The following CENPI variants were observed in gnomAD, a reference collection of about 807,000 sequenced individuals.
The protein encoded by CENPI is FSH primary response 1.
A neutral mutation model predicts 60.4 loss-of-function variants in CENPI; 4 were observed. The observed-to-expected ratio is 0.07, with a 90% confidence interval of 0.03 to 0.15. The LOEUF (loss-of-function observed/expected upper bound fraction) is 0.15, where lower values mean the gene tolerates loss of function less well. Ranked by LOEUF, CENPI falls within the 10% of genes least tolerant of loss-of-function variation. CENPI has a pLI of 1.00. For missense variants in CENPI, 444 were observed against 534.5 expected (o/e 0.83, Z 1.67); for synonymous variants, 157 against 189.4 (o/e 0.83, Z 1.40).
At chrX:101,148,257 C>T (rs775064605) in intron 20 of CENPI, 96 bp downstream of exon 20, 17 of 739,644 alleles carry the variant, frequency 2.3e-5, no homozygotes, top group African/African-American at 1.1e-4. Context: ...AATTGTAAGA[C>T]GTGTGTTTAG....
intron 20 of CENPI, among the ~76,000 whole-genome samples, chrX:101,159,453 C>T (rs1236134040): frequency 9.1e-6 from 1 of 109,328 alleles, no homozygotes; most frequent in Non-Finnish European, 1.9e-5. Flanking sequence ...TGAGCCACCG[C>T]GCCTGGCCTT....
intron 15 of CENPI, among the ~76,000 whole-genome samples, chrX:101,139,828 T>TG (rs72098394): frequency 2.3e-5 from 2 of 88,577 alleles, no homozygotes; most frequent in African/African-American, 4.0e-5. Context: ...ATGTTTTTTT[T>TG]TTTTTGTTTT....
intron 6 of CENPI, among the ~76,000 whole-genome samples, chrX:101,111,373 A>G (rs2089551523): frequency 1.8e-5 from 2 of 110,892 alleles, no homozygotes; most frequent in Non-Finnish European, 3.8e-5. Flanking sequence ...TATTTTCATA[A>G]TAATACCAAG....
chrX:101,113,282 TAC>T (rs533672702), intron 6 of CENPI, among the ~76,000 whole-genome samples: 2,110 of 83,887 alleles, frequency 0.025, 56 homozygotes, highest in Admixed American at 0.047. Context: ...TCCATCCCTT[TAC>T]ACACACACAC....
chrX:101,140,125 C>G (rs758459051), intron 15 of CENPI, among the ~76,000 whole-genome samples: 3 of 112,209 alleles, frequency 2.7e-5, no homozygotes, highest in Non-Finnish European at 5.6e-5. Flanking sequence ...CGTGAGCCAC[C>G]GCACCCAGCC....
the CENPI span, among the ~76,000 whole-genome samples, chrX:101,179,685 A>G: frequency 9.0e-6 from 1 of 111,130 alleles, no homozygotes; most frequent in African/African-American, 3.3e-5. Context: ...ATGCCCAGAT[A>G]ATTTTTTGTA....
chrX:101,170,386 T>C (rs1179792415), downstream of CENPI, among the ~76,000 whole-genome samples: 1 of 111,738 alleles, frequency 8.9e-6, no homozygotes, highest in African/African-American at 3.3e-5. Flanking sequence ...TCTCAGGACA[T>C]GGCACTGTCG....
At position 101,164,920 on chromosome X, in the gene CENPI, A is replaced by G. The variant is rs1227893521; in HGVS notation, c.*1953A>G. ...AAACTTTAGATAAGATGGTTTGGGA[A>G]AGCCTGTTTGAAGAGATGACATATG... On this transcript the variant is annotated 3_prime_UTR_variant, in exon 22 of 22. Transcript: ENST00000682095. Among the ~76,000 whole-genome samples the G allele has an allele frequency of 2.7e-5, 3 of 112,118 alleles. No individual in the cohort carries two copies. In the East Asian group the frequency reaches 8.4e-4, roughly 31 times the overall value.
intron 2 of CENPI, among the ~76,000 whole-genome samples, chrX:101,099,068 C>G (rs868509849): frequency 6.1e-4 from 59 of 96,356 alleles, no homozygotes; most frequent in Non-Finnish European, 1.1e-3. Flanking sequence ...CTTTCTGTCT[C>G]TGTCTGTCTC....
At position 101,101,307 on chromosome X, in the gene CENPI, A is replaced by C; in HGVS notation, c.226+11A>C. 9.2e-7 allele frequency: 1 copy of C among 1,089,241 alleles called. No homozygotes were observed. Among genetic ancestry groups the C allele is most frequent in the East Asian group, 3.0e-5 (1 of 33,094 alleles). 89.8% of individuals were successfully genotyped at this position (1,089,241 alleles called of 1,213,427 possible). On this transcript the variant is annotated intron_variant, in intron 3 of 21. Transcript: ENST00000682095. ...GATATTTTGAGAAAGGTAAAGGTGG[A>C]TTGTTTTCCTTATGAAACTCCTATT...
chrX:101,115,455 A>G (rs1020559147), intron 6 of CENPI, among the ~76,000 whole-genome samples: 3 of 110,454 alleles, frequency 2.7e-5, no homozygotes, highest in Non-Finnish European at 5.7e-5. Context: ...TTTATTTCGC[A>G]TATCATACAA....
intron 6 of CENPI, among the ~76,000 whole-genome samples, chrX:101,116,302 G>GT (rs1202744534): frequency 3.2e-4 from 34 of 104,978 alleles, no homozygotes; most frequent in East Asian, 3.0e-4. Context: ...TTTTTGGGGG[G>GT]TTTTTTTTTT....
At chrX:101,134,101 G>T (rs147273609) in intron 15 of CENPI, among the ~76,000 whole-genome samples, 4,306 of 111,361 alleles carry the variant, frequency 0.039, 88 homozygotes, top group Non-Finnish European at 0.061. Flanking sequence ...AGATGGAGTC[G>T]AAGGAGCCAG....
At chrX:101,148,435 G>GT (rs1415245321) in intron 20 of CENPI, among the ~76,000 whole-genome samples, 5 of 111,945 alleles carry the variant, frequency 4.5e-5, no homozygotes, top group African/African-American at 1.6e-4. Context: ...AGGTTCAGTT[G>GT]TAAGAAAGAT....
Position 101,140,072 on chromosome X carries a change from C to A in CENPI, c.1471-594C>A, listed in dbSNP as rs985716549. ...AGGATGGTCTCGATCTGCTGACCTT[C>A]TGATCCGCCCGCCTCGGCCTCCCAA... On this transcript the variant is annotated intron_variant, in intron 15 of 21. Transcript: ENST00000682095. Among the ~76,000 whole-genome samples, 9 of 111,343 alleles carry A rather than the reference C, an allele frequency of 8.1e-5. No individual in the cohort carries two copies. In the South Asian group the frequency reaches 2.2e-3, roughly 28 times the overall value.
chrX:101,154,542 C>T (rs1330693198), intron 20 of CENPI, among the ~76,000 whole-genome samples: 1 of 111,229 alleles, frequency 9.0e-6, no homozygotes, highest in Non-Finnish European at 1.9e-5. Flanking sequence ...GGTCGTGCCA[C>T]TTCACTCCAG....
intron 2 of CENPI, among the ~76,000 whole-genome samples, chrX:101,099,431 C>CAAA (rs551596409): frequency 1.2e-4 from 10 of 84,653 alleles, no homozygotes; most frequent in African/African-American, 3.0e-4. Flanking sequence ...GAGACTGTCT[C>CAAA]AAAAAAAAAA....
intron 4 of CENPI, among the ~76,000 whole-genome samples, chrX:101,108,302 C>T (rs1293022873): frequency 1.8e-5 from 2 of 110,810 alleles, no homozygotes; most frequent in African/African-American, 6.6e-5. Flanking sequence ...TCTCAAACTC[C>T]TAGGCTCAAG....
At chrX:101,102,773 G>A (rs764636496) in intron 4 of CENPI, among the ~76,000 whole-genome samples, 54 of 108,785 alleles carry the variant, frequency 5.0e-4, no homozygotes, top group African/African-American at 1.7e-3. Context: ...TCTGCCTCTC[G>A]GGTTCAAGCA....
Sources: allele counts gnomAD v4.1 joint callset (sites outside exome capture counted in the v4.1 genomes callset), GRCh38; gene constraint gnomAD v4.1.1; transcripts MANE v1.5; gene names NCBI Gene and HGNC (gene_info 2026-07-23, HGNC 2026-07-21).